SBF1: variants seen among roughly 807,000 people sequenced by gnomAD.
SBF1 encodes the protein SET binding factor 1.
SBF1 carries 65 observed loss-of-function variants against 215.8 expected under a neutral mutation model. The ratio of observed to expected loss-of-function variants is 0.30; its 90% CI spans 0.25 to 0.37. The LOEUF is 0.37. Among genes scored for constraint, SBF1 ranks in the 10% least tolerant of loss-of-function variants. The pLI, the probability that SBF1 is intolerant of heterozygous loss-of-function variation, is 1.00. For synonymous variants in SBF1, 1,410 were observed against 1,122.8 expected (o/e 1.26, Z -5.11); for missense variants, 2,634 against 2,667.8 (o/e 0.99, Z 0.28).
Position 50,455,267 on chromosome 22 carries a change from C to T in SBF1, c.4511G>A (p.Gly1504Asp). Residue 1504 changes from glycine (G) to aspartate (D), a missense_variant, in exon 33 of 41, where the codon GGC becomes GAC. Gly to Asp is a moderately conservative substitution (Grantham distance 94). Transcript: ENST00000380817. ...GAHTLAGQSSGFTPVFLQFLD... is the reference protein window; with the variant it reads ...GAHTLAGQSSDFTPVFLQFLD... ...GAACTGCAGGAAGACGGGTGTGAAG[C>T]CGCTGCTCTGCCCGGCCAGGGTGTG... The T allele has an allele frequency of 6.2e-7, 1 of 1,613,320 alleles. No homozygotes were observed. The highest frequency in any genetic ancestry group is 8.5e-7 in the Non-Finnish European group (1 of 1,179,790).
chr22:50,461,712 G>C lies in SBF1; in HGVS notation c.2650C>G (p.Leu884Val), dbSNP rs202055128. 346 of 1,609,268 alleles carry C rather than the reference G, an allele frequency of 2.2e-4. No homozygotes were observed. In the African/African-American group the frequency reaches 4.1e-3, roughly 19 times the overall value. Residue 884 changes from leucine (L) to valine (V), a missense_variant, in exon 22 of 41, where the codon CTG (leucine) becomes GTG (valine). Physicochemically the swap from Leu to Val is conservative, Grantham distance 32. Coordinates refer to ENST00000380817, the MANE Select transcript of SBF1 (RefSeq NM_002972.4). Reference protein sequence around the residue: ...RRLPPIQKPKLLRPRLLPGEE... With the variant: ...RRLPPIQKPKVLRPRLLPGEE... Reference sequence around the variant, plus strand: ...CCCGGCAGCAGGCGCGGCCGCAGCAGCTTGGGCTGCTCGAAAACAAGAGCA... The same window carrying C: ...CCCGGCAGCAGGCGCGGCCGCAGCACCTTGGGCTGCTCGAAAACAAGAGCA...
intron 1 of SBF1, among the ~76,000 whole-genome samples, chr22:50,470,937 G>A (rs989745114): frequency 2.0e-5 from 3 of 152,218 alleles, no homozygotes; most frequent in Admixed American, 6.5e-5. Context: ...TCAGCTCTGT[G>A]CTGTCCGGGG....
In SBF1 at chr22:50,456,355, G is replaced by T; in HGVS notation, c.4127C>A (p.Pro1376His). Reference sequence around the variant, plus strand: ...CTGCCGTGCCTCGAATACCTCAATGGGCACCAGCTCCCACTGCTGCAGGGG... The same window carrying T: ...CTGCCGTGCCTCGAATACCTCAATGTGCACCAGCTCCCACTGCTGCAGGGG... ...SDPLQQWELV[P>H]IEVFEARQVK... Residue 1376 changes from proline (P) to histidine (H), a missense_variant, in exon 31 of 41, where the codon CCC becomes CAC. By Grantham distance (77) the Pro-to-His change is moderately conservative. Transcript: ENST00000380817. 6.2e-7 allele frequency: 1 copy of T among 1,613,256 alleles called. No individual in the cohort carries two copies. The highest frequency in any genetic ancestry group is 8.5e-7 in the Non-Finnish European group (1 of 1,179,996).
rs1300163820 is a variant in SBF1, at chr22:50,461,667, C to T, written c.2695G>A (p.Gly899Ser). Residue 899 changes from glycine (G) to serine (S), a missense_variant, in exon 22 of 41, where the codon GGC becomes AGC. Coordinates refer to ENST00000380817, the MANE Select transcript of SBF1 (RefSeq NM_002972.4). ...LLPGEECVLD[G>S]LRVYLLPDGR... The stretch of plus-strand genomic sequence containing the variant: ...TCCGGCAGCAGGTAGACGCGCAGGC[C>T]GTCCAGCACACACTCCTCACCCGGC... The T allele has an allele frequency of 1.9e-6, 3 of 1,610,460 alleles. No homozygotes were observed. The highest frequency in any genetic ancestry group is 1.7e-5 in the Admixed American group (1 of 59,980).
At chr22:50,461,416 G>A (rs2067506382) in intron 22 of SBF1, 107 bp downstream of exon 22, 12 of 1,491,328 alleles carry the variant, frequency 8.0e-6, no homozygotes, top group South Asian at 3.8e-5. Flanking sequence ...CGTTTCCCAC[G>A]GGCACCCAGA....
In SBF1 at chr22:50,464,317, C is replaced by G. The variant is rs1247573172; in HGVS notation, c.1749+12G>C. ...GCTGCCCTGGCCCGGCTGGAGCCTG[C>G]ACAGCCCTCACCTTCTTGGCCTCAA... On this transcript the variant is annotated intron_variant, in intron 15 of 40. Transcript: ENST00000380817. 57 of 1,606,594 alleles carry G rather than the reference C, an allele frequency of 3.5e-5. No homozygotes were observed. The highest frequency in any genetic ancestry group is 4.3e-5 in the Non-Finnish European group (51 of 1,174,388).
At chr22:50,459,215 A>C (rs1248809208) in intron 28 of SBF1, 40 bp downstream of exon 28, 4 of 1,570,808 alleles carry the variant, frequency 2.5e-6, no homozygotes, top group Non-Finnish European at 3.5e-6. Context: ...CGGCCCCCCA[A>C]AGTGCCCCTG....
chr22:50,449,656 A>ACACACACACAC (rs1026571113), intron 36 of SBF1, among the ~76,000 whole-genome samples: 114 of 148,450 alleles, frequency 7.7e-4, no homozygotes, highest in African/African-American at 2.8e-3. Flanking sequence ...ACACACACAC[A>ACACACACACAC]CCCCAAAATG....
At chr22:50,451,157 C>G (rs1209915438) in intron 36 of SBF1, among the ~76,000 whole-genome samples, 1 of 118,886 alleles carries the variant, frequency 8.4e-6, no homozygotes, top group African/African-American at 3.4e-5. Flanking sequence ...TAGGGAGACC[C>G]CATCTCTACA....
chr22:50,447,214 G>A lies in SBF1; in HGVS notation c.5610C>T (p.Asn1870=), dbSNP rs1302347969. The change falls in exon 41 of 41, where the codon AAC becomes AAT. Residue 1870 remains asparagine, a synonymous_variant. Transcript: ENST00000380817. ...CCGAGGGCACGTCCTGGGCACAGAA[G>A]TTGTAAACGCGACGCGTTGTCTTCA... is the stretch of plus-strand genomic sequence containing the variant. The part of the protein sequence containing the change: ...FDVKTTRRVY[N]FCAQDVPSAQ... 1.2e-6 allele frequency: 2 copies of A among 1,613,964 alleles called. No homozygotes were observed. Among genetic ancestry groups the A allele is most frequent in the Non-Finnish European group, 1.7e-6 (2 of 1,180,000 alleles).
chr22:50,460,299 G>T lies in SBF1; in HGVS notation c.3256C>A (p.Pro1086Thr). Residue 1086 changes from proline to threonine, a missense_variant, in exon 25 of 41, where the codon CCT becomes ACT. By Grantham distance (38) the Pro-to-Thr change is conservative. Coordinates refer to ENST00000380817, the MANE Select transcript of SBF1 (RefSeq NM_002972.4). Reference sequence around the variant, plus strand: ...GAGATCTCGTCCTCCTGGTCCTCAGGGGGCGGCTGGCCCCGGTGCTCCCAG... The same window carrying T: ...GAGATCTCGTCCTCCTGGTCCTCAGTGGGCGGCTGGCCCCGGTGCTCCCAG... Reference protein sequence around the residue: ...PSWEHRGQPPPEDQEDEISVS... With the variant: ...PSWEHRGQPPTEDQEDEISVS... The T allele has an allele frequency of 1.2e-6, 2 of 1,610,190 alleles. No individual in the cohort carries two copies. The highest frequency in any genetic ancestry group is 1.1e-5 in the South Asian group (1 of 90,738).
chr22:50,449,696 A>G (rs1034912596), intron 36 of SBF1, among the ~76,000 whole-genome samples: 2 of 152,100 alleles, frequency 1.3e-5, no homozygotes, highest in East Asian at 1.9e-4. Context: ...AAACAAAGAG[A>G]AAAGTCCCAA....
rs745468725 is a variant in SBF1 at position 50,454,752 on chromosome 22, G to C, written c.4813-10C>G. 1 of 1,588,212 alleles carries C rather than the reference G, an allele frequency of 6.3e-7. No individual in the cohort carries two copies. Among genetic ancestry groups the C allele is most frequent in the Non-Finnish European group, 8.5e-7 (1 of 1,169,936 alleles). ...TGTAGGGCCGCAGGACCTGAGGGTG[G>C]GCCTGTGGTTGAGGACCTGGGTCGG... On this transcript the variant is annotated splice_polypyrimidine_tract_variant and intron_variant, in intron 35 of 40. Transcript: ENST00000380817.
chr22:50,452,226 G>C (rs77908875), intron 36 of SBF1, among the ~76,000 whole-genome samples: 2,711 of 150,582 alleles, frequency 0.018, 84 homozygotes, highest in African/African-American at 0.062. Context: ...AAGGCACCAA[G>C]ATGTTTTCAG....
intron 36 of SBF1, 70 bp from the exon 37 acceptor site, chr22:50,448,720 G>A: frequency 4.8e-6 from 6 of 1,239,060 alleles, no homozygotes; most frequent in Middle Eastern, 1.9e-4. Flanking sequence ...AAGACAAAAG[G>A]AAAACACAGG....
At chr22:50,456,191 C>G (rs2067239323) in intron 31 of SBF1, 25 bp downstream of exon 31, 3 of 1,606,640 alleles carry the variant, frequency 1.9e-6, no homozygotes, top group Admixed American at 3.3e-5. Flanking sequence ...CCAAGGCGGG[C>G]AGAGGGACGG....
rs558503306 is a variant in SBF1, at chr22:50,457,066, G to T, written c.3872C>A (p.Ala1291Glu). The T allele has an allele frequency of 6.8e-7, 1 of 1,475,882 alleles. No individual in the cohort carries two copies. Among genetic ancestry groups the T allele is most frequent in the Admixed American group, 3.0e-5 (1 of 33,804 alleles). The allele number at this position is 1,475,882 out of a possible 1,614,324, so 91.4% of individuals were successfully genotyped here. Reference protein sequence around the residue: ...ARVTTLSNPMAASASRRTAPR... With the variant: ...ARVTTLSNPMEASASRRTAPR... Reference sequence around the variant, plus strand: ...TGCGGTCCGTCTGGAGGCCGAGGCCGCCATGGGGTTGGACAGCGTGGTGAC... The same window carrying T: ...TGCGGTCCGTCTGGAGGCCGAGGCCTCCATGGGGTTGGACAGCGTGGTGAC... The change falls in exon 29 of 41, where the codon GCG becomes GAG. Residue 1291 changes from alanine (A) to glutamate (E), a missense_variant. Coordinates refer to ENST00000380817, the MANE Select transcript of SBF1 (RefSeq NM_002972.4).
Position 50,460,300 on chromosome 22 carries a change from G to A in SBF1, c.3255C>T (p.Pro1085=). ...AGATCTCGTCCTCCTGGTCCTCAGG[G>A]GGCGGCTGGCCCCGGTGCTCCCAGC... The part of the protein sequence containing the change: ...PPSWEHRGQP[P]PEDQEDEISV... Residue 1085 remains proline, a synonymous_variant, in exon 25 of 41, where the codon CCC becomes CCT. Coordinates refer to ENST00000380817, the MANE Select transcript of SBF1 (RefSeq NM_002972.4). The A allele has an allele frequency of 6.2e-7, 1 of 1,610,486 alleles. No individual in the cohort carries two copies. Among genetic ancestry groups the A allele is most frequent in the Non-Finnish European group, 8.5e-7 (1 of 1,177,620 alleles).
intron 32 of SBF1, 32 bp from the exon 33 acceptor site, chr22:50,455,441 C>G (rs1191391035): frequency 1.2e-5 from 19 of 1,612,218 alleles, no homozygotes; most frequent in Non-Finnish European, 1.5e-5. Flanking sequence ...CAGCGAGGAG[C>G]CCGGGAGCCT....
Sources: allele counts gnomAD v4.1 joint callset (sites outside exome capture counted in the v4.1 genomes callset), GRCh38; gene constraint gnomAD v4.1.1; transcripts MANE v1.5; gene names NCBI Gene and HGNC (gene_info 2026-07-23, HGNC 2026-07-21).